Variants in STAT1 observed in about 807,000 individuals in gnomAD.
STAT1 encodes signal transducer and activator of transcription 1.
STAT1 carries 24 observed loss-of-function variants against 111.7 expected under a neutral mutation model. That is an observed-to-expected ratio of 0.21 (90% CI 0.16 to 0.30). STAT1 has a LOEUF of 0.30. Ranked by LOEUF, STAT1 falls within the 10% of genes least tolerant of loss-of-function variation. The pLI, the probability that STAT1 is intolerant of heterozygous loss-of-function variation, is 1.00. For missense variants in STAT1, 351 were observed against 911.9 expected (o/e 0.38, Z 7.92); for synonymous variants, 332 against 326.5 (o/e 1.02, Z -0.18).
At chr2:191,008,077 G>A in intron 4 of STAT1, 1 of 438,288 alleles carries the variant, frequency 2.3e-6, no homozygotes, top group Non-Finnish European at 4.5e-6. Flanking sequence ...ATTCATCTAG[G>A]GTTTTCTGTT....
intron 12 of STAT1, among the ~76,000 whole-genome samples, chr2:190,988,516 T>C (rs1015876278): frequency 1.5e-4 from 23 of 152,190 alleles, no homozygotes; most frequent in Admixed American, 1.4e-3. Flanking sequence ...GTAGCTGTGA[T>C]TACCGGTGCA....
chr2:190,976,449 G>C lies in STAT1; in HGVS notation c.2059+391C>G, dbSNP rs60459938. ...AATTATCTAATAAAAATAGGATCTA[G>C]TAAGTAATTGGGCCACCCTAAATGA... On this transcript the variant is annotated intron_variant, in intron 22 of 24. Transcript: ENST00000361099. The surrounding 1 kb of genome is among the most constrained non-coding windows in gnomAD (Gnocchi z 6.0). Among the ~76,000 whole-genome samples the C allele has an allele frequency of 1.3e-5, 2 of 152,196 alleles. No homozygotes were observed. Among genetic ancestry groups the C allele is most frequent in the Non-Finnish European group, 2.9e-5 (2 of 68,032 alleles).
rs1278151146 is a variant in STAT1 at position 190,987,101 on chromosome 2, T to TATTTAAA, written c.1098-40_1098-34dup. On this transcript the variant is annotated intron_variant, in intron 12 of 24. Transcript: ENST00000361099. The surrounding 1 kb of genome is among the most constrained non-coding windows in gnomAD (Gnocchi z 4.0). ...AAAAATATATATAATCACATATGCG[T>TATTTAAA]ATTTAAAATTTGAAATAAGCTTTAA... The TATTTAAA allele has an allele frequency of 2.6e-6, 4 of 1,526,124 alleles. No homozygotes were observed. The South Asian group carries it at 4.5e-5, about 17-fold the overall frequency. 94.5% of individuals were successfully genotyped at this position (1,526,124 alleles called of 1,614,324 possible). A position where few individuals can be genotyped will look rare whatever the true frequency, so the allele number is the denominator to read the frequency against.
In STAT1 at chr2:190,998,146, T is replaced by C; in HGVS notation, c.633+71A>G. On this transcript the variant is annotated intron_variant, in intron 8 of 24. Transcript: ENST00000361099. This position sits in a 1 kb window ranked among gnomAD's most constrained non-coding sequence, Gnocchi z 4.1. ...CAGGTGGCTATAATTTTTCCTCTCTTCTAAACTTTGAGTCCATTATTTACA... is the reference window on the plus strand; with the variant it reads ...CAGGTGGCTATAATTTTTCCTCTCTCCTAAACTTTGAGTCCATTATTTACA... 6.4e-7 allele frequency: 1 copy of C among 1,570,956 alleles called. No individual in the cohort carries two copies. Among genetic ancestry groups the C allele is most frequent in the Non-Finnish European group, 8.8e-7 (1 of 1,142,526 alleles).
chr2:190,983,549 ACAAC>A lies in STAT1; in HGVS notation c.1446+89_1446+92del. ...CAGGAGCTTTGTCACTTCTCCCTTAACAACTGGCCATTGGGGCTATTTCAGAGAT... is the reference window on the plus strand; with the variant it reads ...CAGGAGCTTTGTCACTTCTCCCTTAATGGCCATTGGGGCTATTTCAGAGAT... On this transcript the variant is annotated intron_variant, in intron 17 of 24. Transcript: ENST00000361099. The surrounding 1 kb of genome is among the most constrained non-coding windows in gnomAD (Gnocchi z 5.7). The A allele has an allele frequency of 9.0e-7, 1 of 1,113,014 alleles. No individual in the cohort carries two copies. The highest frequency in any genetic ancestry group is 1.4e-6 in the Non-Finnish European group (1 of 725,578). The allele number at this position is 1,113,014 out of a possible 1,614,324, so 68.9% of individuals were successfully genotyped here.
Position 191,003,647 on chromosome 2 carries a change from C to T in STAT1, c.373-2484G>A, listed in dbSNP as rs1306619741. On this transcript the variant is annotated intron_variant, in intron 5 of 24. Coordinates refer to ENST00000361099, the MANE Select transcript of STAT1 (RefSeq NM_007315.4). This position sits in a 1 kb window ranked among gnomAD's most constrained non-coding sequence, Gnocchi z 4.0. ...ACCTGCTGCTATGACTGTAAGTTTC[C>T]TGAGGCCTCCCCAGAAACTGAGCAG... Among the ~76,000 whole-genome samples, 1 of 152,206 alleles carries T rather than the reference C, an allele frequency of 6.6e-6. No individual in the cohort carries two copies. Among genetic ancestry groups the T allele is most frequent in the African/African-American group, 2.4e-5 (1 of 41,442 alleles).
Position 190,989,524 on chromosome 2 carries a change from T to C in STAT1, c.1097+91A>G. The C allele has an allele frequency of 1.1e-6, 1 of 903,054 alleles. No homozygotes were observed. Among genetic ancestry groups the C allele is most frequent in the Non-Finnish European group, 1.7e-6 (1 of 578,986 alleles). The allele number at this position is 903,054 out of a possible 1,614,324, so 55.9% of individuals were successfully genotyped here. A position where few individuals can be genotyped will look rare whatever the true frequency, so the allele number is the denominator to read the frequency against. ...GTATAGACCCTTCCACAGCTAGAAA[T>C]CTGCTTATTTAGTGGAGGAATCTGT... On this transcript the variant is annotated intron_variant, in intron 12 of 24. Coordinates refer to ENST00000361099, the MANE Select transcript of STAT1 (RefSeq NM_007315.4). This position sits in a 1 kb window ranked among gnomAD's most constrained non-coding sequence, Gnocchi z 5.0.
rs918330935 is a variant in STAT1, at chr2:190,997,573, TG to T, written c.785+282del. On this transcript the variant is annotated intron_variant, in intron 9 of 24. Coordinates refer to ENST00000361099, the MANE Select transcript of STAT1 (RefSeq NM_007315.4). This position sits in a 1 kb window ranked among gnomAD's most constrained non-coding sequence, Gnocchi z 7.3. ...AAACATTAAGAGTCAAGTCATTAAATGTGTTCTATAACGACCATGTCACTGA... is the reference window on the plus strand; with the variant it reads ...AAACATTAAGAGTCAAGTCATTAAATTGTTCTATAACGACCATGTCACTGA... Among the ~76,000 whole-genome samples the T allele has an allele frequency of 4.6e-5, 7 of 152,174 alleles. No individual in the cohort carries two copies. Among genetic ancestry groups the T allele is most frequent in the African/African-American group, 1.7e-4 (7 of 41,428 alleles).
In STAT1 at chr2:191,006,981, C is replaced by T. The variant is rs574667877; in HGVS notation, c.372+582G>A. On this transcript the variant is annotated intron_variant, in intron 5 of 24. Transcript: ENST00000361099. This position sits in a 1 kb window ranked among gnomAD's most constrained non-coding sequence, Gnocchi z 4.6. Reference sequence around the variant, plus strand: ...TGCCCCCTCCTTGCCTTCCCAGCTCCGTGTACAGCATTACCATTTTTCAAG... The same window carrying T: ...TGCCCCCTCCTTGCCTTCCCAGCTCTGTGTACAGCATTACCATTTTTCAAG... Among the ~76,000 whole-genome samples the T allele has an allele frequency of 9.2e-5, 14 of 152,238 alleles. No individual in the cohort carries two copies. In the South Asian group the frequency reaches 1.0e-3, roughly 11 times the overall value.
In STAT1 at chr2:191,000,495, A is replaced by G. The variant is rs116449105; in HGVS notation, c.462+579T>C. Among the ~76,000 whole-genome samples, 255 of 151,768 alleles carry G rather than the reference A, an allele frequency of 1.7e-3. 3 individuals carry two copies. Among genetic ancestry groups the G allele is most frequent in the Middle Eastern group, 0.01 (3 of 294 alleles). On this transcript the variant is annotated intron_variant, in intron 6 of 24. Coordinates refer to ENST00000361099, the MANE Select transcript of STAT1 (RefSeq NM_007315.4). The surrounding 1 kb of genome is among the most constrained non-coding windows in gnomAD (Gnocchi z 4.8). Reference sequence around the variant, plus strand: ...CCACAAACACAGGCCTCTGTGAAAAAGAACTCCTCAAACCCTCCCCACACC... The same window carrying G: ...CCACAAACACAGGCCTCTGTGAAAAGGAACTCCTCAAACCCTCCCCACACC...
rs377602295 is a variant in STAT1 at position 190,978,824 on chromosome 2, T to C, written c.1873+32A>G. On this transcript the variant is annotated intron_variant, in intron 21 of 24. Coordinates refer to ENST00000361099, the MANE Select transcript of STAT1 (RefSeq NM_007315.4). This position sits in a 1 kb window ranked among gnomAD's most constrained non-coding sequence, Gnocchi z 6.1. ...GAAGAGGGACTTCACACACATGGAA[T>C]GGTGGGACTATGTGCTCAAACTCCC... 7 of 1,612,348 alleles carry C rather than the reference T, an allele frequency of 4.3e-6. No homozygotes were observed. Among genetic ancestry groups the C allele is most frequent in the Non-Finnish European group, 5.1e-6 (6 of 1,179,522 alleles).
intron 15 of STAT1, among the ~76,000 whole-genome samples, chr2:190,985,006 G>A (rs1483117946): frequency 1.3e-5 from 2 of 152,190 alleles, no homozygotes; most frequent in East Asian, 3.8e-4. Context: ...TGTTTGTCCC[G>A]CTGCTCCATG....
chr2:191,010,109 C>T (rs1330034633), intron 2 of STAT1, 105 bp from the exon 3 acceptor site: 10 of 1,299,488 alleles, frequency 7.7e-6, no homozygotes, highest in Non-Finnish European at 1.1e-5. Flanking sequence ...TTGCTTAATC[C>T]AAAACATAGT....
At position 190,990,780 on chromosome 2, in the gene STAT1, A is replaced by G. The variant is rs1478287051; in HGVS notation, c.1037+448T>C. 2.0e-5 allele frequency among the ~76,000 whole-genome samples: 3 copies of G among 152,226 alleles called. No individual in the cohort carries two copies. Among genetic ancestry groups the G allele is most frequent in the Non-Finnish European group, 1.5e-5 (1 of 68,030 alleles). ...TTACTGTGGTGGTCCACAGATATTTATATCACGGACTGCTTTGAGAAACTG... is the reference window on the plus strand; with the variant it reads ...TTACTGTGGTGGTCCACAGATATTTGTATCACGGACTGCTTTGAGAAACTG... On this transcript the variant is annotated intron_variant, in intron 11 of 24. Coordinates refer to ENST00000361099, the MANE Select transcript of STAT1 (RefSeq NM_007315.4). This position sits in a 1 kb window ranked among gnomAD's most constrained non-coding sequence, Gnocchi z 5.1.
At chr2:190,985,809 G>A (rs1325069994) in intron 14 of STAT1, 149 bp from the exon 15 acceptor site, 5 of 849,264 alleles carry the variant, frequency 5.9e-6, no homozygotes, top group Admixed American at 4.1e-5. Context: ...ATTGGCCCTC[G>A]TTCAGGGTCC....
Position 191,009,990 on chromosome 2 carries a change from T to C in STAT1, c.14A>G (p.Tyr5Cys). The C allele has an allele frequency of 6.2e-7, 1 of 1,614,064 alleles. No homozygotes were observed. Among genetic ancestry groups the C allele is most frequent in the Non-Finnish European group, 8.5e-7 (1 of 1,179,924 alleles). The part of the protein sequence containing the change: MSQW[Y>C]ELQQLDSKFL... ...TTTTGAGTCAAGCTGCTGAAGTTCG[T>C]ACCACTGAGACATCCTATAGGGAAA... The change falls in exon 3 of 25, where the codon TAC becomes TGC. Residue 5 changes from tyrosine to cysteine, a missense_variant. Coordinates refer to ENST00000361099, the MANE Select transcript of STAT1 (RefSeq NM_007315.4).
rs562876893 is a variant in STAT1 at position 191,000,968 on chromosome 2, C to T, written c.462+106G>A. ...TCTGCAAAATTTTTCTTCCCAACTA[C>T]TTAAAAGACTGAACTCAGTTACGAG... On this transcript the variant is annotated intron_variant, in intron 6 of 24. Coordinates refer to ENST00000361099, the MANE Select transcript of STAT1 (RefSeq NM_007315.4). This position sits in a 1 kb window ranked among gnomAD's most constrained non-coding sequence, Gnocchi z 4.8. 7.1e-6 allele frequency: 7 copies of T among 980,288 alleles called. No individual in the cohort carries two copies. Among genetic ancestry groups the T allele is most frequent in the Non-Finnish European group, 1.1e-5 (7 of 615,804 alleles). 60.7% of individuals were successfully genotyped at this position (980,288 alleles called of 1,614,324 possible). A position where few individuals can be genotyped will look rare whatever the true frequency, so the allele number is the denominator to read the frequency against.
chr2:190,980,727 T>C lies in STAT1; in HGVS notation c.1583-58A>G. 6.5e-7 allele frequency: 1 copy of C among 1,537,524 alleles called. No individual in the cohort carries two copies. Among genetic ancestry groups the C allele is most frequent in the Non-Finnish European group, 9.0e-7 (1 of 1,111,110 alleles). ...CAGAAACTGATTCTAAAGCTTTGGT[T>C]GGACGGATGGCTCTTGTATTTGCTC... On this transcript the variant is annotated intron_variant, in intron 18 of 24. Transcript: ENST00000361099. This position sits in a 1 kb window ranked among gnomAD's most constrained non-coding sequence, Gnocchi z 6.1.
intron 14 of STAT1, 139 bp from the exon 15 acceptor site, chr2:190,985,799 A>G (rs545008527): frequency 1.6e-4 from 148 of 947,712 alleles, no homozygotes; most frequent in Non-Finnish European, 2.3e-4. Context: ...CATGGGACAA[A>G]TTGGCCCTCG....
Sources: gnomAD v4.1 joint callset for allele counts (sites outside exome capture counted in the v4.1 genomes callset) on GRCh38, gnomAD v4.1.1 for gene constraint, Gnocchi (gnomAD v3.1) non-coding constraint, MANE v1.5 for transcripts, NCBI Gene and HGNC (gene_info 2026-07-23, HGNC 2026-07-21) for gene names.